The following CHST6 variants were observed in gnomAD, a reference collection of about 807,000 sequenced individuals.
The protein encoded by CHST6 is carbohydrate sulfotransferase 6.
For missense variants in CHST6, 698 were observed against 586.2 expected (o/e 1.19, Z -1.97); for synonymous variants, 309 against 276.4 (o/e 1.12, Z -1.17).
intron 1 of CHST6, among the ~76,000 whole-genome samples, chr16:75,484,508 A>G (rs954062290): frequency 3.3e-5 from 5 of 152,156 alleles, no homozygotes; most frequent in African/African-American, 1.2e-4. Flanking sequence ...TGAGGGGCAC[A>G]TATTTATTAT....
intron 1 of CHST6, among the ~76,000 whole-genome samples, chr16:75,488,106 T>C (rs2080220224): frequency 6.6e-6 from 1 of 152,154 alleles, no homozygotes; most frequent in African/African-American, 2.4e-5. Context: ...AATGTAACAC[T>C]AGGTATAGAT....
rs2080057803 is a variant in CHST6, at chr16:75,475,550, G to C, written c.*3091C>G. The stretch of plus-strand genomic sequence containing the variant: ...CCTGTTGGGACTGCACTCTCACAGA[G>C]ATATAAGACATACGTGATCAGCACA... On this transcript the variant is annotated 3_prime_UTR_variant, in exon 3 of 3. Coordinates refer to ENST00000332272, the MANE Select transcript of CHST6 (RefSeq NM_021615.5). 6.6e-6 allele frequency: 1 copy of C among 152,226 alleles called. No individual in the cohort carries two copies. Among genetic ancestry groups the C allele is most frequent in the Non-Finnish European group, 1.5e-5 (1 of 68,064 alleles). The allele number at this position is 152,226 out of a possible 1,614,324, so 9.4% of individuals were successfully genotyped here.
intron 1 of CHST6, among the ~76,000 whole-genome samples, chr16:75,489,931 C>T (rs1486232570): frequency 3.3e-5 from 5 of 152,126 alleles, no homozygotes; most frequent in Admixed American, 3.3e-4. Context: ...AATCCCAGCA[C>T]TTTGGGAGGC....
In CHST6 at chr16:75,478,643, A is replaced by G; in HGVS notation, c.1186T>C (p.Ter396GlnextTer6). ...GCCTGCTACAACTGTGGCCTCCACT[A>G]ATTTCGGGGGTGCGAGGCGGTGGAT... is the stretch of plus-strand genomic sequence containing the variant. ...ASSTASHPRN* is the reference protein window; with the variant it reads ...ASSTASHPRNQ The change falls in exon 3 of 3, where the codon TAG becomes CAG. Residue 396 changes from the stop codon to glutamine (Q), a stop_lost. Coordinates refer to ENST00000332272, the MANE Select transcript of CHST6 (RefSeq NM_021615.5). 1.2e-6 allele frequency: 2 copies of G among 1,612,800 alleles called. No individual in the cohort carries two copies. The highest frequency in any genetic ancestry group is 1.7e-6 in the Non-Finnish European group (2 of 1,179,494).
At chr16:75,481,993 GAT>G (rs1054788794) in intron 1 of CHST6, 102 bp from the exon 2 acceptor site, 1 of 398,982 alleles carries the variant, frequency 2.5e-6, no homozygotes. Context: ...TGTAGGATGG[GAT>G]GTGCAACATT....
intron 1 of CHST6, among the ~76,000 whole-genome samples, chr16:75,491,179 AAAAAAAAAAAAATATATAT>A (rs1175946324): frequency 3.6e-5 from 3 of 83,730 alleles, no homozygotes; most frequent in African/African-American, 1.5e-4. Context: ...AAAAAAAAAA[AAAAAAAAAAAAATATATAT>A]ATATATATAT....
At chr16:75,491,611 C>T (rs558376112) in intron 1 of CHST6, among the ~76,000 whole-genome samples, 3 of 152,210 alleles carry the variant, frequency 2.0e-5, no homozygotes, top group Admixed American at 6.5e-5. Flanking sequence ...ACCTCGTGAT[C>T]CGCCTGCCTC....
rs925074754 is a variant in CHST6, at chr16:75,474,094, G to C, written c.*4547C>G. On this transcript the variant is annotated 3_prime_UTR_variant, in exon 3 of 3. Transcript: ENST00000332272. Reference sequence around the variant, plus strand: ...GGAGGCTGAGGCAGGAGAATCGCTTGAAACTGGGAGGCGGAGGTTGCAGTG... The same window carrying C: ...GGAGGCTGAGGCAGGAGAATCGCTTCAAACTGGGAGGCGGAGGTTGCAGTG... 2 of 152,232 alleles carry C rather than the reference G, an allele frequency of 1.3e-5. No individual in the cohort carries two copies. The highest frequency in any genetic ancestry group is 4.8e-5 in the African/African-American group (2 of 41,440). 9.4% of individuals were successfully genotyped at this position (152,232 alleles called of 1,614,324 possible).
Position 75,479,841 on chromosome 16 carries a change from GGGCCTTAGGGAGGA to G in CHST6, c.-16-11_-14del. On this transcript the variant is annotated splice_acceptor_variant and splice_polypyrimidine_tract_variant and 5_prime_UTR_variant and intron_variant, in exon 3 of 3. Transcript: ENST00000332272. LOFTEE classifies it low-confidence loss of function (5UTR_SPLICE). ...GCGGCAGCCACATGCTGACTGCTGG[GGGCCTTAGGGAGGA>G]GAGCGCAGCGGTTAGGGGCTGCAGC... 1 of 1,547,468 alleles carries G rather than the reference GGGCCTTAGGGAGGA, an allele frequency of 6.5e-7. No individual in the cohort carries two copies. The highest frequency in any genetic ancestry group is 2.0e-4 in the Middle Eastern group (1 of 5,128).
In CHST6 at chr16:75,478,872, GA is replaced by G; in HGVS notation, c.956del (p.Phe319SerfsTer62). 1 of 1,613,438 alleles carries G rather than the reference GA, an allele frequency of 6.2e-7. No homozygotes were observed. The highest frequency in any genetic ancestry group is 8.5e-7 in the Non-Finnish European group (1 of 1,179,976). On this transcript the variant is annotated frameshift_variant, in exon 3 of 3. Coordinates refer to ENST00000332272, the MANE Select transcript of CHST6 (RefSeq NM_021615.5). LOFTEE classifies it low-confidence loss of function (END_TRUNC). Reference sequence around the variant, plus strand: ...TGAGCGCATTCCTGGACGAAGTCTTGAAGGCTTCGCGGCGCGCACCAGGTCC... The same window carrying G: ...TGAGCGCATTCCTGGACGAAGTCTTGAGGCTTCGCGGCGCGCACCAGGTCC... ...GSGPGARREAFKTSSRNALNV... is the reference protein window; with the variant it reads ...GSGPGARREAXKTSSRNALNV...
At chr16:75,481,949 C>T (rs532378441) in intron 1 of CHST6, 58 bp from the exon 2 acceptor site, 64 of 438,228 alleles carry the variant, frequency 1.5e-4, no homozygotes, top group Non-Finnish European at 2.4e-4. Flanking sequence ...GCCCCAAAAG[C>T]GACACAACTT....
Position 75,495,273 on chromosome 16 carries a change from T to TG in CHST6, c.-426dup, listed in dbSNP as rs201521334. 5,093 of 152,532 alleles carry TG rather than the reference T, an allele frequency of 0.033. 108 individuals are homozygous for TG. Among genetic ancestry groups the TG allele is most frequent in the East Asian group, 0.1 (522 of 5,176 alleles). 9.4% of individuals were successfully genotyped at this position (152,532 alleles called of 1,614,324 possible). ...TGGGATGTTGAGGCTGGGGGTGTCC[T>TG]GGGGCTACCACAGGGAAGGACCCGG... On this transcript the variant is annotated 5_prime_UTR_variant, in exon 1 of 3. Transcript: ENST00000332272.
intron 1 of CHST6, among the ~76,000 whole-genome samples, chr16:75,487,942 G>C (rs951984228): frequency 3.3e-5 from 5 of 151,998 alleles, no homozygotes; most frequent in African/African-American, 7.3e-5. Flanking sequence ...GTTGCAGTGA[G>C]CTCAGATCAT....
chr16:75,472,170 T>G lies in CHST6; in HGVS notation c.*6471A>C, dbSNP rs148919215. 1.3e-5 allele frequency: 2 copies of G among 152,238 alleles called. No individual in the cohort carries two copies. Among genetic ancestry groups the G allele is most frequent in the African/African-American group, 4.8e-5 (2 of 41,464 alleles). The allele number at this position is 152,238 out of a possible 1,614,324, so 9.4% of individuals were successfully genotyped here. On this transcript the variant is annotated 3_prime_UTR_variant, in exon 3 of 3. Transcript: ENST00000332272. The stretch of plus-strand genomic sequence containing the variant: ...CAATATGATAAACTAGGTGAAACTT[T>G]TTGAAATTTGATTGTGATGAGGTGG...
intron 1 of CHST6, among the ~76,000 whole-genome samples, chr16:75,491,952 T>C (rs2080261550): frequency 6.6e-6 from 1 of 152,182 alleles, no homozygotes; most frequent in Admixed American, 6.5e-5. Flanking sequence ...GACTGTGGGC[T>C]GGGCCAGGCT....
intron 1 of CHST6, among the ~76,000 whole-genome samples, chr16:75,493,648 T>C (rs1337279941): frequency 6.6e-6 from 1 of 152,166 alleles, no homozygotes; most frequent in Non-Finnish European, 1.5e-5. Context: ...TATGAGTATT[T>C]GCTTAGCAAT....
Position 75,478,496 on chromosome 16 carries a change from C to T in CHST6, c.*145G>A. 3.9e-6 allele frequency: 3 copies of T among 770,206 alleles called. No homozygotes were observed. Among genetic ancestry groups the T allele is most frequent in the Non-Finnish European group, 6.6e-6 (3 of 451,168 alleles). 47.7% of individuals were successfully genotyped at this position (770,206 alleles called of 1,614,324 possible). A position where few individuals can be genotyped will look rare whatever the true frequency, so the allele number is the denominator to read the frequency against. On this transcript the variant is annotated 3_prime_UTR_variant, in exon 3 of 3. Coordinates refer to ENST00000332272, the MANE Select transcript of CHST6 (RefSeq NM_021615.5). ...AAGAATCAAGAGAGAAAGAAACGTG[C>T]AGTCCTTGCCTACTTGGGGAGGGGG...
intron 1 of CHST6, among the ~76,000 whole-genome samples, chr16:75,487,218 C>G (rs2080207412): frequency 6.6e-6 from 1 of 152,154 alleles, no homozygotes; most frequent in Non-Finnish European, 1.5e-5. Flanking sequence ...GCCTGAGAGA[C>G]CTAGGAAGGA....
intron 1 of CHST6, among the ~76,000 whole-genome samples, chr16:75,487,269 A>T (rs2080208248): frequency 6.6e-6 from 1 of 152,212 alleles, no homozygotes; most frequent in East Asian, 1.9e-4. Flanking sequence ...AAAGCAAGAC[A>T]TTGACCAAGG....
Sources: gnomAD v4.1 joint callset for allele counts (sites outside exome capture counted in the v4.1 genomes callset) on GRCh38, gnomAD v4.1.1 for gene constraint, MANE v1.5 for transcripts, NCBI Gene and HGNC (gene_info 2026-07-23, HGNC 2026-07-21) for gene names.